ITGB3BP: variants seen among roughly 807,000 people sequenced by gnomAD.
ITGB3BP encodes the protein centromere protein R.
Under a neutral mutation model 29.1 loss-of-function variants are expected in ITGB3BP, and 27 were observed. The ratio of observed to expected loss-of-function variants is 0.93; its 90% CI spans 0.68 to 1.28. ITGB3BP has a LOEUF of 1.28. Among genes scored for constraint, ITGB3BP ranks in the 50% most tolerant of loss-of-function variants. The pLI is 0.00. For missense variants in ITGB3BP, 192 were observed against 200.2 expected (o/e 0.96, Z 0.25); for synonymous variants, 61 against 61.4 (o/e 0.99, Z 0.03).
intron 4 of ITGB3BP, among the ~76,000 whole-genome samples, chr1:63,469,377 A>G (rs1237626079): frequency 6.6e-6 from 1 of 151,384 alleles, no homozygotes; most frequent in African/African-American, 2.4e-5. Context: ...CCCAGGCTGG[A>G]GTGCAATGGC....
chr1:63,508,562 CT>C lies in ITGB3BP; in HGVS notation c.13del (p.Arg5AspfsTer3). MPVKRSLKLDGLLEE... is the reference protein window; with the variant it reads MPVKXSLKLDGLLEE... ...TAACAGACCATCCAACTTCAGTGATCTTTTAACACTACAAACAAAAAATTTA... is the reference window on the plus strand; with the variant it reads ...TAACAGACCATCCAACTTCAGTGATCTTTAACACTACAAACAAAAAATTTA... On this transcript the variant is annotated frameshift_variant, in exon 2 of 9. Coordinates refer to ENST00000271002, the MANE Select transcript of ITGB3BP (RefSeq NM_014288.5). LOFTEE classifies it high-confidence loss of function. The C allele has an allele frequency of 7.2e-7, 1 of 1,395,348 alleles. No individual in the cohort carries two copies. Among genetic ancestry groups the C allele is most frequent in the Non-Finnish European group, 9.7e-7 (1 of 1,025,736 alleles). The allele number at this position is 1,395,348 out of a possible 1,614,324, so 86.4% of individuals were successfully genotyped here.
chr1:63,499,231 G>A (rs1165188824), intron 2 of ITGB3BP, among the ~76,000 whole-genome samples: 1 of 148,314 alleles, frequency 6.7e-6, no homozygotes, highest in African/African-American at 2.5e-5. Context: ...GCGCGATCTC[G>A]GCTCACCGCA....
At chr1:63,516,338 G>T (rs369850805) in intron 1 of ITGB3BP, among the ~76,000 whole-genome samples, 1 of 64,198 alleles carries the variant, frequency 1.6e-5, no homozygotes. Context: ...GAGGGGAAGG[G>T]AAGCGGAGCG....
intron 1 of ITGB3BP, chr1:63,510,217 T>TA: frequency 2.0e-6 from 1 of 487,952 alleles, no homozygotes; most frequent in Non-Finnish European, 3.7e-6. Flanking sequence ...AAATAGAAAT[T>TA]AAAAAACTAA....
chr1:63,483,800 T>A (rs1054150495), intron 3 of ITGB3BP, among the ~76,000 whole-genome samples: 1 of 152,176 alleles, frequency 6.6e-6, no homozygotes, highest in Non-Finnish European at 1.5e-5. Context: ...TATGTTTAAA[T>A]ACACCAATAC....
chr1:63,454,311 A>G lies in ITGB3BP; in HGVS notation c.427+69T>C. The G allele has an allele frequency of 1.3e-6, 1 of 746,256 alleles. No individual in the cohort carries two copies. Among genetic ancestry groups the G allele is most frequent in the African/African-American group, 1.8e-5 (1 of 55,744 alleles). The allele number at this position is 746,256 out of a possible 1,614,324, so 46.2% of individuals were successfully genotyped here. A position where few individuals can be genotyped will look rare whatever the true frequency, so the allele number is the denominator to read the frequency against. On this transcript the variant is annotated intron_variant, in intron 6 of 8. Coordinates refer to ENST00000271002, the MANE Select transcript of ITGB3BP (RefSeq NM_014288.5). This position sits in a 1 kb window ranked among gnomAD's most constrained non-coding sequence, Gnocchi z 4.1. ...ATGGTATATATAAAGAAGTCTATCA[A>G]ATGTAAATGAGACAAATTAATAGGT...
chr1:63,493,414 C>CAAAA (rs59206263), intron 2 of ITGB3BP, among the ~76,000 whole-genome samples: 54 of 144,228 alleles, frequency 3.7e-4, no homozygotes, highest in African/African-American at 1.4e-3. Flanking sequence ...GATTCTGTCT[C>CAAAA]AAAAAACAAA....
intron 7 of ITGB3BP, among the ~76,000 whole-genome samples, chr1:63,447,348 G>T (rs1173273142): frequency 6.6e-6 from 1 of 152,074 alleles, no homozygotes; most frequent in African/African-American, 2.4e-5. Context: ...ATCACACATT[G>T]GCTGTACTGC....
chr1:63,525,359 T>G (rs569142230), upstream of ITGB3BP, among the ~76,000 whole-genome samples: 14 of 152,280 alleles, frequency 9.2e-5, no homozygotes, highest in Non-Finnish European at 1.9e-4. Context: ...AGGCTTATTC[T>G]TGTTTAATAT....
At chr1:63,504,784 G>T (rs145731663) in intron 2 of ITGB3BP, among the ~76,000 whole-genome samples, 1,925 of 152,020 alleles carry the variant, frequency 0.013, 22 homozygotes, top group Non-Finnish European at 0.02. Flanking sequence ...GGTTTTTGTC[G>T]TTGGTTCTGT....
At chr1:63,478,588 T>C (rs187359877) in intron 4 of ITGB3BP, among the ~76,000 whole-genome samples, 176 bp downstream of exon 4, 114 of 152,332 alleles carry the variant, frequency 7.5e-4, no homozygotes, top group African/African-American at 2.7e-3. Flanking sequence ...ATAACCATTA[T>C]AGAACATCAC....
At chr1:63,460,153 C>A (rs1369163967) in intron 4 of ITGB3BP, among the ~76,000 whole-genome samples, 2 of 152,060 alleles carry the variant, frequency 1.3e-5, no homozygotes, top group African/African-American at 4.8e-5. Flanking sequence ...AAACTATATA[C>A]AAGATTTGTC....
intron 2 of ITGB3BP, among the ~76,000 whole-genome samples, chr1:63,502,386 A>G (rs1226575252): frequency 6.6e-6 from 1 of 152,124 alleles, no homozygotes; most frequent in African/African-American, 2.4e-5. Context: ...GAAGAGGTAT[A>G]TTAGTCTGTT....
intron 1 of ITGB3BP, among the ~76,000 whole-genome samples, chr1:63,509,476 T>C (rs971751917): frequency 6.6e-6 from 1 of 152,206 alleles, no homozygotes; most frequent in African/African-American, 2.4e-5. Context: ...GATTGTACTA[T>C]GTTATATTAC....
chr1:63,523,437 T>C, upstream of ITGB3BP: 1 of 477,964 alleles, frequency 2.1e-6, no homozygotes, highest in South Asian at 2.3e-5. Context: ...CAGCTGTCTC[T>C]GTGCGCTCCG....
At chr1:63,466,014 A>G (rs1031200727) in intron 4 of ITGB3BP, among the ~76,000 whole-genome samples, 47 of 152,322 alleles carry the variant, frequency 3.1e-4, no homozygotes, top group African/African-American at 1.1e-3. Flanking sequence ...AATGACTAAC[A>G]ATGATGTACA....
intron 4 of ITGB3BP, among the ~76,000 whole-genome samples, chr1:63,470,002 G>C (rs1230039128): frequency 6.6e-6 from 1 of 152,236 alleles, no homozygotes; most frequent in Non-Finnish European, 1.5e-5. Flanking sequence ...AATAGCATGA[G>C]CGATCTATGC....
chr1:63,520,948 T>C (rs897338848), intron 1 of ITGB3BP, among the ~76,000 whole-genome samples: 1 of 152,228 alleles, frequency 6.6e-6, no homozygotes, highest in Non-Finnish European at 1.5e-5. Context: ...TCACTCATTA[T>C]GTTAAGATTC....
At chr1:63,500,635 C>G (rs574072392) in intron 2 of ITGB3BP, among the ~76,000 whole-genome samples, 1 of 152,220 alleles carries the variant, frequency 6.6e-6, no homozygotes, top group East Asian at 1.9e-4. Context: ...TAAGCGAGAT[C>G]TAAATAAACA....
Sources: allele counts gnomAD v4.1 joint callset (sites outside exome capture counted in the v4.1 genomes callset), GRCh38; gene constraint gnomAD v4.1.1; non-coding constraint Gnocchi (gnomAD v3.1); transcripts MANE v1.5; gene names NCBI Gene and HGNC (gene_info 2026-07-23, HGNC 2026-07-21).